The following MYOCOS variants were observed in gnomAD, a reference collection of about 807,000 sequenced individuals.
MYOCOS encodes the protein myocilin opposite strand protein.
chr1:171,624,661 A>G (rs924278083), intron 2 of MYOCOS, among the ~76,000 whole-genome samples: 7 of 151,672 alleles, frequency 4.6e-5, no homozygotes, highest in African/African-American at 1.7e-4. Context: ...CATTCACAGG[A>G]TGGTCTAAAT....
intron 2 of MYOCOS, among the ~76,000 whole-genome samples, chr1:171,625,240 C>T (rs147437880): frequency 8.5e-5 from 13 of 152,280 alleles, no homozygotes; most frequent in Non-Finnish European, 1.6e-4. Context: ...CATCCAAGGA[C>T]GAGATGGCAT....
intron 1 of MYOCOS, among the ~76,000 whole-genome samples, chr1:171,606,310 G>C (rs763883437): frequency 1.3e-5 from 2 of 152,064 alleles, no homozygotes; most frequent in Non-Finnish European, 2.9e-5. Context: ...ATAAAAGTGA[G>C]AACTCCCACT....
chr1:171,624,623 T>C (rs1441828123), intron 2 of MYOCOS, among the ~76,000 whole-genome samples: 1 of 137,210 alleles, frequency 7.3e-6, no homozygotes, highest in East Asian at 2.1e-4. Context: ...TGTGTGTGTG[T>C]TTTTTTTTAG....
intron 1 of MYOCOS, among the ~76,000 whole-genome samples, chr1:171,605,373 CCA>C (rs55880778): frequency 3.2e-4 from 45 of 139,270 alleles, no homozygotes; most frequent in Non-Finnish European, 4.3e-4. Flanking sequence ...ATTAATAGTA[CCA>C]CACACACACA....
chr1:171,622,922 G>T (rs574512744), intron 1 of MYOCOS, among the ~76,000 whole-genome samples: 5 of 152,216 alleles, frequency 3.3e-5, no homozygotes, highest in Admixed American at 1.3e-4. Flanking sequence ...GTTTACGGTG[G>T]TTATCAAATA....
At chr1:171,601,537 T>G (rs923659937) in intron 1 of MYOCOS, among the ~76,000 whole-genome samples, 7 of 151,528 alleles carry the variant, frequency 4.6e-5, no homozygotes, top group Non-Finnish European at 7.4e-5. Context: ...CTGGGAACTA[T>G]GTTAAAGAAT....
upstream of MYOCOS, among the ~76,000 whole-genome samples, chr1:171,621,135 T>G (rs1229185124): frequency 6.6e-6 from 1 of 152,106 alleles, no homozygotes; most frequent in Non-Finnish European, 1.5e-5. Flanking sequence ...AAAACCAAGC[T>G]GCACCCCGAC....
chr1:171,606,280 A>G (rs543466558), intron 1 of MYOCOS, among the ~76,000 whole-genome samples: 188 of 152,366 alleles, frequency 1.2e-3, no homozygotes, highest in African/African-American at 4.2e-3. Context: ...CTATTGCACA[A>G]AAAGACATAA....
intron 2 of MYOCOS, among the ~76,000 whole-genome samples, chr1:171,616,204 C>T (rs1409524292): frequency 2.7e-5 from 4 of 147,810 alleles, no homozygotes; most frequent in African/African-American, 7.6e-5. Flanking sequence ...GTGACAAGAG[C>T]GAAACTCCAT....
intron 1 of MYOCOS, among the ~76,000 whole-genome samples, chr1:171,612,838 AC>A (rs1652380436): frequency 6.6e-6 from 1 of 152,206 alleles, no homozygotes; most frequent in African/African-American, 2.4e-5. Flanking sequence ...CTCAAAAAAA[AC>A]AAAACAAAAC....
At chr1:171,621,521 A>C (rs183079226), upstream of MYOCOS, among the ~76,000 whole-genome samples, 73 of 151,502 alleles carry the variant, frequency 4.8e-4, no homozygotes, top group African/African-American at 1.7e-3. Context: ...GACTACAGGC[A>C]CCCGCCACCA....
chr1:171,613,576 C>T (rs1652391204), intron 1 of MYOCOS, among the ~76,000 whole-genome samples: 1 of 151,772 alleles, frequency 6.6e-6, no homozygotes, highest in African/African-American at 2.4e-5. Context: ...AAGACAGGGT[C>T]TTGCTCTGTC....
chr1:171,610,400 C>T lies in MYOCOS; in HGVS notation c.-251-4398C>T, dbSNP rs79243075. Among the ~76,000 whole-genome samples the T allele has an allele frequency of 4.9e-3, 746 of 152,290 alleles. 4 individuals carry two copies. Among genetic ancestry groups the T allele is most frequent in the African/African-American group, 0.016 (683 of 41,564 alleles). ...CTAGATACCCATGCTTAGTATCTGT[C>T]TTAGTCTGTTTTATGTTGCTAAGGC... On this transcript the variant is annotated intron_variant, in intron 1 of 3. Coordinates refer to the MYOCOS transcript ENST00000636697.
At chr1:171,610,006 G>T (rs1652327292) in intron 1 of MYOCOS, among the ~76,000 whole-genome samples, 1 of 152,148 alleles carries the variant, frequency 6.6e-6, no homozygotes, top group African/African-American at 2.4e-5. Context: ...CCTTCACATG[G>T]GTCTCTCCAC....
chr1:171,626,148 T>G (rs577195959), intron 2 of MYOCOS, among the ~76,000 whole-genome samples: 2 of 152,290 alleles, frequency 1.3e-5, no homozygotes, highest in Middle Eastern at 6.8e-3. Flanking sequence ...AGTGGTGCAA[T>G]CATAGCTCAC....
Position 171,626,887 on chromosome 1 carries a change from G to A in MYOCOS, c.*286G>A. The A allele has an allele frequency of 4.2e-6, 1 of 239,708 alleles. No individual in the cohort carries two copies. Among genetic ancestry groups the A allele is most frequent in the Non-Finnish European group, 7.9e-6 (1 of 126,280 alleles). The allele number at this position is 239,708 out of a possible 1,614,324, so 14.8% of individuals were successfully genotyped here. A position where few individuals can be genotyped will look rare whatever the true frequency, so the allele number is the denominator to read the frequency against. ...ATTTAAATTAATAAACAGTTATCAG[G>A]CCTTGTTGTTTATTACTAAATCTGA... is the stretch of plus-strand genomic sequence containing the variant. On this transcript the variant is annotated 3_prime_UTR_variant, in exon 3 of 3. Transcript: ENST00000637642.
Position 171,626,463 on chromosome 1 carries a change from A to G in MYOCOS, c.105A>G (p.Ile35Met), listed in dbSNP as rs1322428739. 5.0e-6 allele frequency: 2 copies of G among 398,500 alleles called. No homozygotes were observed. Among genetic ancestry groups the G allele is most frequent in the African/African-American group, 4.1e-5 (2 of 48,608 alleles). 24.7% of individuals were successfully genotyped at this position (398,500 alleles called of 1,614,324 possible). ...GTGCCTTTCTTCCTAGAAAAGAGATAATTACCCAGAAAAGTGATGAAGCTA... is the reference window on the plus strand; with the variant it reads ...GTGCCTTTCTTCCTAGAAAAGAGATGATTACCCAGAAAAGTGATGAAGCTA... ...RRVTMITRKE[I>M]ITQKSDEAKE... Residue 35 changes from isoleucine to methionine, a missense_variant, in exon 3 of 3, where the codon ATA becomes ATG. Coordinates refer to ENST00000637642, the MANE Select transcript of MYOCOS (RefSeq NM_001391940.1).
At position 171,626,666 on chromosome 1, in the gene MYOCOS, C is replaced by T. The variant is rs1652711861; in HGVS notation, c.*65C>T. Reference sequence around the variant, plus strand: ...TCCAGAAAACAGTTTCAGTGGCATTCTTGAGGTTTGTCTTAGAAGACTCTT... The same window carrying T: ...TCCAGAAAACAGTTTCAGTGGCATTTTTGAGGTTTGTCTTAGAAGACTCTT... On this transcript the variant is annotated 3_prime_UTR_variant, in exon 3 of 3. Coordinates refer to ENST00000637642, the MANE Select transcript of MYOCOS (RefSeq NM_001391940.1). 2.5e-6 allele frequency: 1 copy of T among 398,142 alleles called. No individual in the cohort carries two copies. The allele number at this position is 398,142 out of a possible 1,614,324, so 24.7% of individuals were successfully genotyped here. A position where few individuals can be genotyped will look rare whatever the true frequency, so the allele number is the denominator to read the frequency against.
chr1:171,606,888 C>CT (rs1464940564), intron 1 of MYOCOS, among the ~76,000 whole-genome samples: 1 of 151,972 alleles, frequency 6.6e-6, no homozygotes. Context: ...GGTCTGGAGT[C>CT]TAAGACCAGC....
Sources: gnomAD v4.1 joint callset for allele counts (sites outside exome capture counted in the v4.1 genomes callset) on GRCh38, gnomAD v4.1.1 for gene constraint, MANE v1.5 for transcripts, NCBI Gene and HGNC (gene_info 2026-07-23, HGNC 2026-07-21) for gene names.